F13A1: variants seen among roughly 807,000 people sequenced by gnomAD.
F13A1 encodes coagulation factor XIII A chain.
In F13A1, 47 loss-of-function variants were observed where a neutral mutation model predicts 80.1. The observed-to-expected ratio is 0.59, with a 90% CI of 0.46 to 0.75. The LOEUF (loss-of-function observed/expected upper bound fraction) is 0.75. F13A1 is among the 30% of genes least tolerant of loss of function. The pLI is 0.00. For synonymous variants in F13A1, 349 were observed against 344.9 expected (o/e 1.01, Z -0.13); for missense variants, 817 against 930.4 (o/e 0.88, Z 1.59).
intron 10 of F13A1, among the ~76,000 whole-genome samples, chr6:6,193,328 G>A (rs1761234543): frequency 6.6e-6 from 1 of 152,186 alleles, no homozygotes; most frequent in African/African-American, 2.4e-5. Flanking sequence ...AAATGAGTAA[G>A]GAATGACCAA....
intron 8 of F13A1, among the ~76,000 whole-genome samples, chr6:6,217,594 G>C (rs2113049639): frequency 6.6e-6 from 1 of 151,464 alleles, no homozygotes; most frequent in African/African-American, 2.4e-5. Context: ...CGAGTTAGTG[G>C]GTGCAGCGCA....
At position 6,167,633 on chromosome 6, in the gene F13A1, C is replaced by T; in HGVS notation, c.1748-15G>A. 3.1e-6 allele frequency: 5 copies of T among 1,612,428 alleles called. No homozygotes were observed. The highest frequency in any genetic ancestry group is 3.4e-6 in the Non-Finnish European group (4 of 1,179,884). On this transcript the variant is annotated splice_polypyrimidine_tract_variant and intron_variant, in intron 12 of 14. Coordinates refer to ENST00000264870, the MANE Select transcript of F13A1 (RefSeq NM_000129.4). The stretch of plus-strand genomic sequence containing the variant: ...CTCTTTCTTGACTAGTAGGAGAAAA[C>T]ACACACAGGCCTGGCATCAAGACTT...
At chr6:6,242,547 T>C (rs1757497210) in intron 6 of F13A1, among the ~76,000 whole-genome samples, 1 of 152,202 alleles carries the variant, frequency 6.6e-6, no homozygotes, top group Admixed American at 6.5e-5. Flanking sequence ...CCTCCTACTT[T>C]CCTAATTTTC....
intron 8 of F13A1, among the ~76,000 whole-genome samples, chr6:6,217,494 C>A (rs1372419881): frequency 7.6e-6 from 1 of 131,020 alleles, no homozygotes; most frequent in African/African-American, 3.0e-5. Flanking sequence ...CATATGGACA[C>A]AGGAAGGGGA....
intron 10 of F13A1, among the ~76,000 whole-genome samples, chr6:6,184,463 C>T (rs1229436163): frequency 1.3e-5 from 2 of 152,204 alleles, no homozygotes; most frequent in Non-Finnish European, 1.5e-5. Context: ...CTCAGGGGTG[C>T]TAGCCACATG....
chr6:6,315,757 T>G (rs1333722623), intron 2 of F13A1, among the ~76,000 whole-genome samples: 1 of 151,624 alleles, frequency 6.6e-6, no homozygotes, highest in African/African-American at 2.4e-5. Context: ...CTGAAAAAAA[T>G]GGAGACAAGA....
At position 6,224,592 on chromosome 6, in the gene F13A1, G is replaced by A. The variant is rs1038883404; in HGVS notation, c.973+94C>T. 1.5e-4 allele frequency: 177 copies of A among 1,188,998 alleles called. 1 individual carries two copies. The highest frequency in any genetic ancestry group is 4.0e-5 in the Non-Finnish European group (32 of 807,680). 73.7% of individuals were successfully genotyped at this position (1,188,998 alleles called of 1,614,324 possible). A position where few individuals can be genotyped will look rare whatever the true frequency, so the allele number is the denominator to read the frequency against. ...ACCCATAAATTCTATAGTGTCAACA[G>A]GGGCTGCTATGTCTCTTTGTTAGGT... On this transcript the variant is annotated intron_variant, in intron 7 of 14. Transcript: ENST00000264870.
At chr6:6,295,267 G>A (rs1211513051) in intron 3 of F13A1, among the ~76,000 whole-genome samples, 8 of 148,316 alleles carry the variant, frequency 5.4e-5, no homozygotes, top group Admixed American at 4.0e-4. Context: ...CCCAGTAATG[G>A]GATGGCTGGG....
At chr6:6,276,736 C>A (rs536611253) in intron 3 of F13A1, among the ~76,000 whole-genome samples, 111 of 152,178 alleles carry the variant, frequency 7.3e-4, no homozygotes, top group African/African-American at 2.4e-3. Flanking sequence ...AATTGGCATT[C>A]CAGAAGATGA....
intron 8 of F13A1, among the ~76,000 whole-genome samples, chr6:6,216,896 A>C (rs1757098872): frequency 6.6e-6 from 1 of 150,622 alleles, no homozygotes; most frequent in Non-Finnish European, 1.5e-5. Flanking sequence ...TCAAAAGAAG[A>C]CATTTATGCA....
chr6:6,317,211 C>A lies in F13A1; in HGVS notation c.130+1324G>T, dbSNP rs561290792. ...ATTTGCATTCTTAAAGAAAAAGACTCGTAGACTGGGTAAGCAGTGAATATC... is the reference window on the plus strand; with the variant it reads ...ATTTGCATTCTTAAAGAAAAAGACTAGTAGACTGGGTAAGCAGTGAATATC... On this transcript the variant is annotated intron_variant, in intron 2 of 14. Transcript: ENST00000264870. Among the ~76,000 whole-genome samples the A allele has an allele frequency of 4.5e-4, 69 of 152,296 alleles. No homozygotes were observed. The South Asian group carries it at 5.4e-3, about 12-fold the overall frequency.
chr6:6,194,536 C>T (rs140756557), intron 10 of F13A1, among the ~76,000 whole-genome samples: 16 of 152,294 alleles, frequency 1.1e-4, no homozygotes, highest in South Asian at 6.2e-4. Context: ...GTTCCCAGGT[C>T]GCCCTTCCTT....
At chr6:6,179,258 T>C (rs1760937045) in intron 11 of F13A1, among the ~76,000 whole-genome samples, 1 of 152,360 alleles carries the variant, frequency 6.6e-6, no homozygotes, top group South Asian at 2.1e-4. Context: ...TCAGAAATTC[T>C]GATTTTCAAA....
chr6:6,313,524 A>G (rs1368196453), intron 2 of F13A1, among the ~76,000 whole-genome samples: 3 of 152,192 alleles, frequency 2.0e-5, no homozygotes, highest in Admixed American at 1.3e-4. Context: ...TATTCTTCAG[A>G]GAATGATTAT....
intron 3 of F13A1, among the ~76,000 whole-genome samples, chr6:6,278,859 G>A (rs2113140121): frequency 6.6e-6 from 1 of 152,286 alleles, no homozygotes; most frequent in African/African-American, 2.4e-5. Context: ...CTAGAAAAGA[G>A]GCATGGTCTG....
chr6:6,210,107 G>A (rs1394252189), intron 8 of F13A1, among the ~76,000 whole-genome samples: 2 of 151,194 alleles, frequency 1.3e-5, no homozygotes, highest in African/African-American at 4.9e-5. Context: ...GGGTGTGCCT[G>A]TAGTCCCAGC....
In F13A1 at chr6:6,151,848, A is replaced by C. The variant is rs1583043971; in HGVS notation, c.2010T>G (p.Gly670=). 1 of 1,614,110 alleles carries C rather than the reference A, an allele frequency of 6.2e-7. No individual in the cohort carries two copies. Among genetic ancestry groups the C allele is most frequent in the East Asian group, 2.2e-5 (1 of 44,878 alleles). ...TLRNVWVHLD[G]PGVTRPMKKM... is the part of the protein sequence containing the mutation. ...TCTTCATTGGTCTTGTTACTCCAGG[A>C]CCATCCAGGTGTACCCAGACATTTC... The change falls in exon 14 of 15, where the codon GGT becomes GGG. Residue 670 remains glycine, a synonymous_variant. Transcript: ENST00000264870.
intron 4 of F13A1, among the ~76,000 whole-genome samples, chr6:6,263,440 T>C (rs1039065327): frequency 6.6e-6 from 1 of 152,242 alleles, no homozygotes; most frequent in African/African-American, 2.4e-5. Context: ...TGGGCTCTTT[T>C]GATCTCCTTG....
In F13A1 at chr6:6,151,841, C is replaced by T. The variant is rs750685276; in HGVS notation, c.2017G>A (p.Val673Ile). ...AACATCTTCTTCATTGGTCTTGTTA[C>T]TCCAGGACCATCCAGGTGTACCCAG... Reference protein sequence around the residue: ...NVWVHLDGPGVTRPMKKMFRE... With the variant: ...NVWVHLDGPGITRPMKKMFRE... The change falls in exon 14 of 15, where the codon GTA becomes ATA. Residue 673 changes from valine (V) to isoleucine (I), a missense_variant. By Grantham distance (29) the Val-to-Ile change is conservative. Coordinates refer to ENST00000264870, the MANE Select transcript of F13A1 (RefSeq NM_000129.4). The T allele has an allele frequency of 2.7e-5, 44 of 1,613,986 alleles. No homozygotes were observed. Among genetic ancestry groups the T allele is most frequent in the Non-Finnish European group, 2.5e-5 (30 of 1,179,988 alleles).
Sources: allele counts gnomAD v4.1 joint callset (sites outside exome capture counted in the v4.1 genomes callset), GRCh38; gene constraint gnomAD v4.1.1; transcripts MANE v1.5; gene names NCBI Gene and HGNC (gene_info 2026-07-23, HGNC 2026-07-21).